The following ITGA10 variants were observed in gnomAD, a reference collection of about 807,000 sequenced individuals.
The protein encoded by ITGA10 is integrin subunit alpha 10.
Under a neutral mutation model 145.2 loss-of-function variants are expected in ITGA10, and 105 were observed. The ratio of observed to expected loss-of-function variants is 0.72; its 90% confidence interval spans 0.62 to 0.85. The LOEUF (loss-of-function observed/expected upper bound fraction) is 0.85. Ranked by LOEUF, ITGA10 falls within the 40% of genes least tolerant of loss-of-function variation. The probability of loss-of-function intolerance (pLI) is 0.00; values close to 1 mark genes in which losing one functional copy is unlikely to be tolerated. For missense variants in ITGA10, 1,317 were observed against 1,444.5 expected (o/e 0.91, Z 1.43); for synonymous variants, 506 against 557.8 (o/e 0.91, Z 1.31).
chr1:145,897,721 T>C (rs1272713947), intron 19 of ITGA10, 68 bp from the exon 20 acceptor site: 3 of 1,612,270 alleles, frequency 1.9e-6, no homozygotes, highest in Non-Finnish European at 1.7e-6. Context: ...TCACTTTTGT[T>C]ATCATGGGTA....
intron 3 of ITGA10, 63 bp from the exon 4 acceptor site, chr1:145,906,887 T>C: frequency 6.9e-6 from 9 of 1,306,282 alleles, no homozygotes; most frequent in Non-Finnish European, 8.8e-6. Context: ...CTTGAATTCA[T>C]GTGATTTTGG....
chr1:145,897,056 C>A lies in ITGA10; in HGVS notation c.2699G>T (p.Cys900Phe). 6.2e-7 allele frequency: 1 copy of A among 1,614,082 alleles called. No homozygotes were observed. Among genetic ancestry groups the A allele is most frequent in the Non-Finnish European group, 8.5e-7 (1 of 1,179,984 alleles). The change falls in exon 22 of 30, where the codon TGC becomes TTC. Residue 900 changes from cysteine to phenylalanine, a missense_variant. By Grantham distance (205) the Cys-to-Phe change is radical. Transcript: ENST00000369304. ...VTFLLEFEFS[C>F]SSLLSQVFVK... ...GAAGACCTGGCTCAGGAGAGAGGAG[C>A]AGCTAAACTCAAACTCTAGCAGAAA...
At chr1:145,897,202 C>A in intron 21 of ITGA10, 45 bp downstream of exon 21, 1 of 1,597,312 alleles carries the variant, frequency 6.3e-7, no homozygotes, top group South Asian at 1.1e-5. Flanking sequence ...AGATCCCAGC[C>A]TCTGCCCTCC....
chr1:145,896,411 A>ATATGAT, intron 23 of ITGA10, 59 bp from the exon 24 acceptor site: 2 of 1,314,900 alleles, frequency 1.5e-6, no homozygotes, highest in Non-Finnish European at 2.2e-6. Flanking sequence ...ACACAGGGGC[A>ATATGAT]CATGATCAGC....
chr1:145,903,140 A>C (rs1249913112), intron 7 of ITGA10, among the ~76,000 whole-genome samples, 179 bp from the exon 8 acceptor site: 1 of 152,148 alleles, frequency 6.6e-6, no homozygotes, highest in Non-Finnish European at 1.5e-5. Flanking sequence ...TTTAACATGG[A>C]GATGGCATGG....
At chr1:145,902,159 G>T in intron 10 of ITGA10, 87 bp downstream of exon 10, 1 of 1,566,328 alleles carries the variant, frequency 6.4e-7, no homozygotes, top group Non-Finnish European at 8.8e-7. Context: ...ATGGAGGCTG[G>T]TTAAAGGAGG....
In ITGA10 at chr1:145,892,397, G is replaced by A. The variant is rs916590225; in HGVS notation, c.*401C>T. On this transcript the variant is annotated 3_prime_UTR_variant, in exon 30 of 30. Coordinates refer to ENST00000369304, the MANE Select transcript of ITGA10 (RefSeq NM_003637.5). Reference sequence around the variant, plus strand: ...GAACAGGCAGGAAAGTGAGAGGGTGGAAGAATCGAGGAAGATAACCCTCAT... The same window carrying A: ...GAACAGGCAGGAAAGTGAGAGGGTGAAAGAATCGAGGAAGATAACCCTCAT... The A allele has an allele frequency of 1.2e-5, 2 of 165,622 alleles. No individual in the cohort carries two copies. Among genetic ancestry groups the A allele is most frequent in the Non-Finnish European group, 2.6e-5 (2 of 76,544 alleles). 10.3% of individuals were successfully genotyped at this position (165,622 alleles called of 1,614,324 possible). A position where few individuals can be genotyped will look rare whatever the true frequency, so the allele number is the denominator to read the frequency against.
Position 145,900,974 on chromosome 1 carries a change from T to A in ITGA10, c.1607A>T (p.Gln536Leu). ...GGGGGGTTCTGGCTGAAGTGTTCCT[T>A]GGAGGGTCAGCAAGGACTGCTGGTG... Reference protein sequence around the residue: ...LVGQQSLLTLQGTLQPEPPQD... With the variant: ...LVGQQSLLTLLGTLQPEPPQD... The change falls in exon 14 of 30, where the codon CAA becomes CTA. Residue 536 changes from glutamine to leucine, a missense_variant. Physicochemically the swap from Gln to Leu is moderately radical, Grantham distance 113. Transcript: ENST00000369304. 6.2e-7 allele frequency: 1 copy of A among 1,614,060 alleles called. No individual in the cohort carries two copies. Among genetic ancestry groups the A allele is most frequent in the Non-Finnish European group, 8.5e-7 (1 of 1,180,006 alleles).
At position 145,899,437 on chromosome 1, in the gene ITGA10, A is replaced by G. The variant is rs150896800; in HGVS notation, c.1923-96T>C. ...TGCTTCCCCATGGTCAAAACAAAGAAGGAGGGGCTGAATGCACATGTCACC... is the reference window on the plus strand; with the variant it reads ...TGCTTCCCCATGGTCAAAACAAAGAGGGAGGGGCTGAATGCACATGTCACC... On this transcript the variant is annotated intron_variant, in intron 15 of 29. Transcript: ENST00000369304. The G allele has an allele frequency of 2.6e-3, 3,604 of 1,381,638 alleles. 68 individuals carry two copies. In the East Asian group the frequency reaches 0.048, roughly 18 times the overall value. The allele number at this position is 1,381,638 out of a possible 1,614,324, so 85.6% of individuals were successfully genotyped here.
At position 145,901,714 on chromosome 1, in the gene ITGA10, G is replaced by C; in HGVS notation, c.1295-50C>G. 6.5e-7 allele frequency: 1 copy of C among 1,539,448 alleles called. No individual in the cohort carries two copies. Among genetic ancestry groups the C allele is most frequent in the Non-Finnish European group, 8.7e-7 (1 of 1,144,316 alleles). On this transcript the variant is annotated intron_variant, in intron 11 of 29. Transcript: ENST00000369304. This position sits in a 1 kb window ranked among gnomAD's most constrained non-coding sequence, Gnocchi z 4.3. Reference sequence around the variant, plus strand: ...GTAAAGGAAAAGAAGATGGGGTCCAGAGTAGGGGGGTTCCCTAAAGGCATA... The same window carrying C: ...GTAAAGGAAAAGAAGATGGGGTCCACAGTAGGGGGGTTCCCTAAAGGCATA...
Position 145,892,309 on chromosome 1 carries a change from GA to G in ITGA10, c.*488del, listed in dbSNP as rs1474333323. 6.5e-6 allele frequency: 1 copy of G among 154,230 alleles called. No individual in the cohort carries two copies. Among genetic ancestry groups the G allele is most frequent in the African/African-American group, 2.4e-5 (1 of 41,454 alleles). The allele number at this position is 154,230 out of a possible 1,614,324, so 9.6% of individuals were successfully genotyped here. A position where few individuals can be genotyped will look rare whatever the true frequency, so the allele number is the denominator to read the frequency against. On this transcript the variant is annotated 3_prime_UTR_variant, in exon 30 of 30. Coordinates refer to ENST00000369304, the MANE Select transcript of ITGA10 (RefSeq NM_003637.5). ...CTCTATGAATCACCAGAGTCCACAG[GA>G]AAGCAGCAGATGTTGACTTTACTCC...
At position 145,899,233 on chromosome 1, in the gene ITGA10, A is replaced by C. The variant is rs113368107; in HGVS notation, c.2031T>G (p.Thr677=). The change falls in exon 16 of 30, where the codon ACT becomes ACG. Residue 677 remains threonine (T), a synonymous_variant. Coordinates refer to ENST00000369304, the MANE Select transcript of ITGA10 (RefSeq NM_003637.5). ...RRRGQEAVCL[T]AALCFQVTSR... is the part of the protein sequence containing the mutation. ...AGGTCACTTGGAAGCAAAGGGCTGC[A>C]GTCAGACAGACTGCCTCTTGGCCTC... 41 of 1,614,138 alleles carry C rather than the reference A, an allele frequency of 2.5e-5. No homozygotes were observed. The highest frequency in any genetic ancestry group is 3.2e-5 in the Non-Finnish European group (38 of 1,180,058).
intron 1 of ITGA10, 189 bp from the exon 2 acceptor site, chr1:145,907,654 G>C: frequency 1.0e-6 from 1 of 960,950 alleles, no homozygotes; most frequent in South Asian, 4.8e-5. Context: ...CTGTGTTTGT[G>C]TCCAGATGCC....
In ITGA10 at chr1:145,906,500, G is replaced by C. The variant is rs887682332; in HGVS notation, c.375C>G (p.Ala125=). ...TDGDGGFMAC[A]PLWSRACGSS... ...TGCCACAAGCACGAGACCAGAGAGGGGCACAGGCCTGGGGATGGGGGAAAT... is the reference window on the plus strand; with the variant it reads ...TGCCACAAGCACGAGACCAGAGAGGCGCACAGGCCTGGGGATGGGGGAAAT... Residue 125 remains alanine, a synonymous_variant, in exon 5 of 30, where the codon GCC becomes GCG. Transcript: ENST00000369304. 6 of 1,613,974 alleles carry C rather than the reference G, an allele frequency of 3.7e-6. No homozygotes were observed. Among genetic ancestry groups the C allele is most frequent in the Non-Finnish European group, 5.1e-6 (6 of 1,179,874 alleles).
In ITGA10 at chr1:145,893,624, C is replaced by A. The variant is rs1450474039; in HGVS notation, c.3240G>T (p.Lys1080Asn). The part of the protein sequence containing the change: ...HNEFFRRAKF[K>N]SLTVVSTFEL... ...CAAAGGTGCTGACCACCGTCAGGGA[C>A]TTGAACTTGGCCTATGGAACAAGTG... Residue 1080 changes from lysine to asparagine, a missense_variant, in exon 28 of 30, where the codon AAG becomes AAT. Coordinates refer to ENST00000369304, the MANE Select transcript of ITGA10 (RefSeq NM_003637.5). The A allele has an allele frequency of 6.2e-7, 1 of 1,613,050 alleles. No individual in the cohort carries two copies. The highest frequency in any genetic ancestry group is 1.3e-5 in the African/African-American group (1 of 75,034).
intron 10 of ITGA10, 74 bp downstream of exon 10, chr1:145,902,172 T>A (rs1656431366): frequency 1.3e-6 from 2 of 1,573,452 alleles, no homozygotes; most frequent in Non-Finnish European, 1.7e-6. Context: ...AAAGGAGGAA[T>A]CTGGAGGGCC....
chr1:145,897,308 G>A lies in ITGA10; in HGVS notation c.2606C>T (p.Ala869Val). ...GCAGAGCCGGGCATGAGCAGAAGGG[G>A]CGGCACATTCCACCTTTATTGGGCT... ...RESPIKVECA[A>V]PSAHARLCSV... The change falls in exon 21 of 30, where the codon GCC becomes GTC. Residue 869 changes from alanine (A) to valine (V), a missense_variant. Physicochemically the swap from Ala to Val is moderately conservative, Grantham distance 64. Coordinates refer to ENST00000369304, the MANE Select transcript of ITGA10 (RefSeq NM_003637.5). 5 of 1,614,176 alleles carry A rather than the reference G, an allele frequency of 3.1e-6. No individual in the cohort carries two copies. Among genetic ancestry groups the A allele is most frequent in the Non-Finnish European group, 2.5e-6 (3 of 1,180,038 alleles).
chr1:145,898,271 T>C, intron 17 of ITGA10, 48 bp from the exon 18 acceptor site: 1 of 1,192,164 alleles, frequency 8.4e-7, no homozygotes, highest in Non-Finnish European at 1.3e-6. Flanking sequence ...GATCTTGTGA[T>C]AATTGTAGTG....
At chr1:145,900,348 A>C (rs587702172) in intron 14 of ITGA10, among the ~76,000 whole-genome samples, 161 bp from the exon 15 acceptor site, 1 of 151,936 alleles carries the variant, frequency 6.6e-6, no homozygotes, top group Non-Finnish European at 1.5e-5. Flanking sequence ...GCTCACTGCA[A>C]CCTCCGCCTC....
Sources: gnomAD v4.1 joint callset for allele counts (sites outside exome capture counted in the v4.1 genomes callset) on GRCh38, gnomAD v4.1.1 for gene constraint, Gnocchi (gnomAD v3.1) non-coding constraint, MANE v1.5 for transcripts, NCBI Gene and HGNC (gene_info 2026-07-23, HGNC 2026-07-21) for gene names.